The following CSMD1 variants were observed in gnomAD, a reference collection of about 807,000 sequenced individuals.
CSMD1 encodes the protein CUB and Sushi multiple domains 1.
In CSMD1, 213 loss-of-function variants were observed where a neutral mutation model predicts 417.5. That is an observed-to-expected ratio of 0.51 (90% CI 0.46 to 0.57). The LOEUF is 0.57. Ranked by LOEUF, CSMD1 falls within the 20% of genes least tolerant of loss-of-function variation. The pLI is 0.00. For missense variants in CSMD1, 6,923 were observed against 4,529.7 expected (o/e 1.53, Z -15.17); for synonymous variants, 2,862 against 1,736.8 (o/e 1.65, Z -16.11).
chr8:3,967,170 T>G (rs1481655633), intron 5 of CSMD1, among the ~76,000 whole-genome samples: 1 of 151,152 alleles, frequency 6.6e-6, no homozygotes, highest in Non-Finnish European at 1.5e-5. Context: ...GTTTATGTAT[T>G]CCTTTTCACT....
At chr8:3,639,432 A>C (rs1054219057) in intron 7 of CSMD1, among the ~76,000 whole-genome samples, 5 of 152,204 alleles carry the variant, frequency 3.3e-5, no homozygotes, top group Non-Finnish European at 1.5e-5. Flanking sequence ...TGCTGAAAAA[A>C]CATCCTTGAT....
intron 48 of CSMD1, among the ~76,000 whole-genome samples, chr8:3,087,733 T>A (rs1314481497): frequency 6.6e-6 from 1 of 152,260 alleles, no homozygotes; most frequent in Non-Finnish European, 1.5e-5. Context: ...CTGCGCTGTA[T>A]GCAGCCCACA....
intron 11 of CSMD1, among the ~76,000 whole-genome samples, chr8:3,478,971 C>T (rs570993433): frequency 9.2e-5 from 14 of 152,074 alleles, no homozygotes; most frequent in Admixed American, 7.2e-4. Context: ...AAAGAGTGGT[C>T]CCTCCGACCT....
chr8:3,980,509 C>G (rs1813773587), intron 5 of CSMD1, among the ~76,000 whole-genome samples: 1 of 151,234 alleles, frequency 6.6e-6, no homozygotes, highest in Non-Finnish European at 1.5e-5. Flanking sequence ...GTCTCTGCTT[C>G]TATGTTGTTT....
chr8:4,247,235 C>A (rs1802768731), intron 3 of CSMD1, among the ~76,000 whole-genome samples: 1 of 152,086 alleles, frequency 6.6e-6, no homozygotes, highest in African/African-American at 2.4e-5. Flanking sequence ...AGAAAGGGAC[C>A]CTCAAGTAAC....
At chr8:4,059,340 G>C (rs1798853719) in intron 3 of CSMD1, among the ~76,000 whole-genome samples, 1 of 149,304 alleles carries the variant, frequency 6.7e-6, no homozygotes, top group Admixed American at 6.7e-5. Context: ...AGAGAAAGTA[G>C]GAAAGATCCA....
At chr8:4,836,381 C>A (rs1469520810) in intron 1 of CSMD1, among the ~76,000 whole-genome samples, 1 of 152,212 alleles carries the variant, frequency 6.6e-6, no homozygotes, top group African/African-American at 2.4e-5. Context: ...ATCTTGCTGA[C>A]TGACACTGAC....
chr8:4,322,925 C>T (rs1300933630), intron 3 of CSMD1, among the ~76,000 whole-genome samples: 6 of 152,188 alleles, frequency 3.9e-5, no homozygotes, highest in Admixed American at 3.3e-4. Flanking sequence ...GTGGAGGTTG[C>T]AGTGAGCCTA....
At chr8:4,383,274 C>CT (rs1367960064) in intron 3 of CSMD1, among the ~76,000 whole-genome samples, 1 of 152,120 alleles carries the variant, frequency 6.6e-6, no homozygotes, top group Non-Finnish European at 1.5e-5. Flanking sequence ...GTTTGTATTC[C>CT]TTTCCAAGGG....
chr8:3,632,740 C>T (rs1796846758), intron 7 of CSMD1, among the ~76,000 whole-genome samples: 1 of 152,296 alleles, frequency 6.6e-6, no homozygotes, highest in Admixed American at 6.5e-5. Context: ...ACACCAATGT[C>T]CTTGCCAAGT....
chr8:4,502,184 T>A (rs1802291534), intron 2 of CSMD1, among the ~76,000 whole-genome samples: 1 of 152,158 alleles, frequency 6.6e-6, no homozygotes, highest in Admixed American at 6.5e-5. Flanking sequence ...TAATCATTCT[T>A]ATGAACAGAA....
intron 2 of CSMD1, among the ~76,000 whole-genome samples, chr8:4,573,611 T>C (rs941217829): frequency 6.6e-6 from 1 of 152,058 alleles, no homozygotes; most frequent in Non-Finnish European, 1.5e-5. Flanking sequence ...AGGGTCCCAC[T>C]TGAGGGGGCG....
chr8:4,684,830 A>T (rs1467572774), intron 1 of CSMD1, among the ~76,000 whole-genome samples: 2 of 152,222 alleles, frequency 1.3e-5, no homozygotes, highest in African/African-American at 4.8e-5. Context: ...TAGCTTATTC[A>T]TGTTAAAGAA....
intron 5 of CSMD1, among the ~76,000 whole-genome samples, chr8:3,823,933 G>C (rs1801891755): frequency 6.6e-6 from 1 of 151,970 alleles, no homozygotes; most frequent in South Asian, 2.1e-4. Context: ...TTACATCTCT[G>C]GTAATTTTAT....
In CSMD1 at chr8:3,217,807, T is replaced by C. The variant is rs377641523; in HGVS notation, c.4672+1448A>G. 3.9e-5 allele frequency among the ~76,000 whole-genome samples: 6 copies of C among 152,274 alleles called. No homozygotes were observed. In the East Asian group the frequency reaches 9.7e-4, roughly 24 times the overall value. ...AACCAATTTTCTACTTAAAACTATATAAACAGTTCTGGTAATGAGGTAAGA... is the reference window on the plus strand; with the variant it reads ...AACCAATTTTCTACTTAAAACTATACAAACAGTTCTGGTAATGAGGTAAGA... On this transcript the variant is annotated intron_variant, in intron 29 of 69. Transcript: ENST00000635120.
At chr8:4,284,108 C>G (rs768277394) in intron 3 of CSMD1, among the ~76,000 whole-genome samples, 2 of 152,004 alleles carry the variant, frequency 1.3e-5, no homozygotes, top group African/African-American at 2.4e-5. Context: ...TGGCTCACAC[C>G]TGTAATCCTA....
chr8:4,120,162 G>A lies in CSMD1; in HGVS notation c.416-88063C>T, dbSNP rs767117589. Among the ~76,000 whole-genome samples, 14 of 152,074 alleles carry A rather than the reference G, an allele frequency of 9.2e-5. No individual in the cohort carries two copies. The East Asian group carries it at 9.7e-4, about 10-fold the overall frequency. On this transcript the variant is annotated intron_variant, in intron 3 of 69. Coordinates refer to ENST00000635120, the MANE Select transcript of CSMD1 (RefSeq NM_033225.6). ...GCATGCCTGTATCAAAACATCTCAC[G>A]TACCCCATAAATATATACACCTATT...
chr8:3,954,992 G>C (rs1454318409), intron 5 of CSMD1, among the ~76,000 whole-genome samples: 7 of 152,188 alleles, frequency 4.6e-5, no homozygotes, highest in Admixed American at 6.5e-5. Flanking sequence ...ATGTTAATAA[G>C]TGTGGACCAT....
intron 3 of CSMD1, among the ~76,000 whole-genome samples, chr8:4,232,396 C>G: frequency 6.6e-6 from 1 of 152,006 alleles, no homozygotes; most frequent in Non-Finnish European, 1.5e-5. Context: ...ACGGGGTTTC[C>G]CCACGTTGGC....
Sources: allele counts gnomAD v4.1 joint callset (sites outside exome capture counted in the v4.1 genomes callset), GRCh38; gene constraint gnomAD v4.1.1; transcripts MANE v1.5; gene names NCBI Gene and HGNC (gene_info 2026-07-23, HGNC 2026-07-21).